ANKRD30B: variants seen among roughly 807,000 people sequenced by gnomAD.
ANKRD30B encodes ankyrin repeat domain 30B, also known as ankyrin repeat domain-containing protein 30B.
Under a neutral mutation model 202.2 loss-of-function variants are expected in ANKRD30B, and 144 were observed. That is an observed-to-expected ratio of 0.71 (90% confidence interval 0.62 to 0.82). The LOEUF (loss-of-function observed/expected upper bound fraction) is 0.82. Among genes scored for constraint, ANKRD30B ranks in the 40% least tolerant of loss-of-function variants. The pLI is 0.00. For missense variants in ANKRD30B, 1,487 were observed against 1,669.1 expected, an observed-to-expected ratio of 0.89 and a Z score of 1.90; for synonymous variants, 508 against 561.3, an observed-to-expected ratio of 0.91 and a Z score of 1.34.
intron 16 of ANKRD30B, among the ~76,000 whole-genome samples, chr18:14,792,259 C>T (rs900932461): frequency 8.6e-5 from 13 of 151,970 alleles, no homozygotes; most frequent in Admixed American, 8.5e-4. Context: ...AGATGAGAGA[C>T]CTTTGTGGGA....
At chr18:14,798,757 C>T (rs145970619) in intron 20 of ANKRD30B, among the ~76,000 whole-genome samples, 14 of 152,250 alleles carry the variant, frequency 9.2e-5, no homozygotes, top group Non-Finnish European at 1.5e-4. Flanking sequence ...ACCTCCCTGA[C>T]GGCACATCCA....
chr18:14,932,630 G>C, the ANKRD30B span, among the ~76,000 whole-genome samples: 3 of 152,152 alleles, frequency 2.0e-5, no homozygotes, highest in Admixed American at 6.5e-5. Flanking sequence ...GAGCCACCGC[G>C]CCGGCCTCCC....
chr18:14,810,910 C>A (rs866727470), intron 28 of ANKRD30B, among the ~76,000 whole-genome samples: 2 of 151,098 alleles, frequency 1.3e-5, no homozygotes, highest in Non-Finnish European at 2.9e-5. Flanking sequence ...GGTCAGGAGT[C>A]GCAGACGAGC....
At chr18:14,834,456 C>A (rs1435364093) in intron 34 of ANKRD30B, among the ~76,000 whole-genome samples, 1 of 151,636 alleles carries the variant, frequency 6.6e-6, no homozygotes, top group South Asian at 2.1e-4. Flanking sequence ...AAAAGCACAG[C>A]AAAAATAGTG....
the ANKRD30B span, among the ~76,000 whole-genome samples, chr18:14,908,747 G>A: frequency 6.6e-6 from 1 of 152,196 alleles, no homozygotes; most frequent in Admixed American, 6.5e-5. Context: ...GAGTGCTGGA[G>A]GGGCCAATGC....
At chr18:14,820,723 A>G (rs1970371005) in intron 30 of ANKRD30B, among the ~76,000 whole-genome samples, 1 of 151,970 alleles carries the variant, frequency 6.6e-6, no homozygotes. Context: ...CCACTTGATC[A>G]TGGTGGATAA....
At chr18:14,763,610 T>C (rs943212658) in intron 6 of ANKRD30B, 76 bp from the exon 7 acceptor site, 2 of 1,559,726 alleles carry the variant, frequency 1.3e-6, no homozygotes, top group African/African-American at 1.4e-5. Context: ...ACAGAATAAG[T>C]AGAAGTTTGC....
the ANKRD30B span, among the ~76,000 whole-genome samples, chr18:14,878,936 C>T: frequency 6.6e-6 from 1 of 152,148 alleles, no homozygotes. Flanking sequence ...CTTGCGAGGG[C>T]GGAGCTGAGT....
chr18:14,855,899 C>G (rs1972090016), downstream of ANKRD30B, among the ~76,000 whole-genome samples: 3 of 151,680 alleles, frequency 2.0e-5, no homozygotes, highest in Admixed American at 2.0e-4. Context: ...GACGGGGCGG[C>G]TGGGCAGAGG....
intron 14 of ANKRD30B, among the ~76,000 whole-genome samples, chr18:14,785,778 T>C: frequency 6.6e-6 from 1 of 152,154 alleles, no homozygotes; most frequent in East Asian, 1.9e-4. Context: ...AAATTTACTT[T>C]TGAAAACCAG....
At chr18:14,815,446 C>T (rs1052127826) in intron 30 of ANKRD30B, among the ~76,000 whole-genome samples, 19 of 151,996 alleles carry the variant, frequency 1.3e-4, no homozygotes, top group African/African-American at 4.6e-4. Context: ...TGCTGGTGGT[C>T]CTTGGACCTC....
intron 11 of ANKRD30B, 140 bp from the exon 12 acceptor site, chr18:14,782,387 G>C: frequency 1.9e-6 from 1 of 522,514 alleles, no homozygotes; most frequent in Non-Finnish European, 3.1e-6. Context: ...TCAAAATGTC[G>C]TGATTTTCAA....
intron 32 of ANKRD30B, among the ~76,000 whole-genome samples, chr18:14,827,454 T>G (rs1484391564): frequency 6.6e-6 from 1 of 152,184 alleles, no homozygotes; most frequent in Non-Finnish European, 1.5e-5. Flanking sequence ...GAGCACTCAG[T>G]CTGTGGGATC....
intron 30 of ANKRD30B, among the ~76,000 whole-genome samples, chr18:14,821,173 G>T (rs967729128): frequency 6.6e-6 from 1 of 152,164 alleles, no homozygotes; most frequent in Admixed American, 6.5e-5. Context: ...AGTATTCTCT[G>T]ATGGTAGTTT....
At chr18:14,922,650 G>A in the ANKRD30B span, among the ~76,000 whole-genome samples, 7 of 108,018 alleles carry the variant, frequency 6.5e-5, no homozygotes, top group East Asian at 1.0e-3. Flanking sequence ...GTGAGACTCC[G>A]TCTCAAAAAA....
At chr18:14,809,470 G>C (rs1969776090) in intron 26 of ANKRD30B, among the ~76,000 whole-genome samples, 1 of 150,806 alleles carries the variant, frequency 6.6e-6, no homozygotes, top group Admixed American at 6.6e-5. Context: ...TAACCCTAAA[G>C]AGGCCTAGAA....
chr18:14,835,737 G>A (rs935176554), intron 34 of ANKRD30B, among the ~76,000 whole-genome samples: 4 of 151,588 alleles, frequency 2.6e-5, no homozygotes, highest in African/African-American at 9.7e-5. Flanking sequence ...GTATTATATT[G>A]TTTCATAAGA....
intron 4 of ANKRD30B, among the ~76,000 whole-genome samples, chr18:14,757,287 C>A (rs1223052480): frequency 2.0e-5 from 3 of 152,102 alleles, no homozygotes; most frequent in African/African-American, 7.2e-5. Flanking sequence ...GTATGACTTT[C>A]TATGTGAAAA....
chr18:14,840,980 G>A (rs1971397346), intron 37 of ANKRD30B, among the ~76,000 whole-genome samples: 1 of 152,182 alleles, frequency 6.6e-6, no homozygotes, highest in Non-Finnish European at 1.5e-5. Context: ...ACAAGAAGCA[G>A]GTTTACATAA....
Sources: allele counts gnomAD v4.1 joint callset (sites outside exome capture counted in the v4.1 genomes callset), GRCh38; gene constraint gnomAD v4.1.1; transcripts MANE v1.5; gene names NCBI Gene and HGNC (gene_info 2026-07-23, HGNC 2026-07-21).